Variants in KIAA0825 observed in about 807,000 individuals in gnomAD.
KIAA0825 encodes KIAA0825.
KIAA0825 carries 119 observed loss-of-function variants against 147.6 expected under a neutral mutation model. The ratio of observed to expected loss-of-function variants is 0.81; its 90% CI spans 0.69 to 0.94. The LOEUF (loss-of-function observed/expected upper bound fraction) is 0.94. KIAA0825 is among the 40% of genes least tolerant of loss of function. The probability of loss-of-function intolerance (pLI) is 0.00; values close to 1 mark genes in which losing one functional copy is unlikely to be tolerated. For synonymous variants in KIAA0825, 470 were observed against 518.1 expected, an observed-to-expected ratio of 0.91 and a Z score of 1.26; for missense variants, 1,381 against 1,472.7, an observed-to-expected ratio of 0.94 and a Z score of 1.02.
intron 20 of KIAA0825, among the ~76,000 whole-genome samples, chr5:94,376,530 A>G (rs1747598376): frequency 6.6e-6 from 1 of 152,234 alleles, no homozygotes; most frequent in East Asian, 1.9e-4. Context: ...TCATGTACCA[A>G]TTCCCTTAGC....
At chr5:94,235,685 A>G (rs917624390) in intron 20 of KIAA0825, among the ~76,000 whole-genome samples, 7 of 152,218 alleles carry the variant, frequency 4.6e-5, no homozygotes, top group Non-Finnish European at 1.0e-4. Flanking sequence ...GGTGAGGTCA[A>G]TGTCTTGCTC....
intron 13 of KIAA0825, among the ~76,000 whole-genome samples, chr5:94,441,634 C>T (rs1757098202): frequency 6.6e-6 from 1 of 152,146 alleles, no homozygotes; most frequent in South Asian, 2.1e-4. Context: ...CCTCTTTCTG[C>T]ATGAGGATAC....
intron 18 of KIAA0825, 110 bp from the exon 19 acceptor site, chr5:94,386,514 G>T: frequency 1.2e-6 from 1 of 840,156 alleles, no homozygotes; most frequent in Non-Finnish European, 1.8e-6. Flanking sequence ...CTAGATTACA[G>T]TGTATTACTT....
At chr5:94,347,893 T>C (rs535450498) in intron 20 of KIAA0825, among the ~76,000 whole-genome samples, 3 of 152,100 alleles carry the variant, frequency 2.0e-5, no homozygotes, top group Non-Finnish European at 4.4e-5. Flanking sequence ...ATCCAAAATA[T>C]GATACAAGAA....
chr5:94,372,965 A>G (rs530256007), intron 20 of KIAA0825, among the ~76,000 whole-genome samples: 127 of 152,306 alleles, frequency 8.3e-4, no homozygotes, highest in Non-Finnish European at 5.1e-4. Flanking sequence ...AGGGCAGGGG[A>G]AAAAGCTGCC....
At chr5:94,557,008 C>T in intron 2 of KIAA0825, among the ~76,000 whole-genome samples, 1 of 152,302 alleles carries the variant, frequency 6.6e-6, no homozygotes, top group African/African-American at 2.4e-5. Flanking sequence ...GCACGCCTTC[C>T]TAGTTTTCCA....
intron 20 of KIAA0825, among the ~76,000 whole-genome samples, chr5:94,249,954 A>G (rs1429260834): frequency 1.3e-5 from 2 of 152,114 alleles, no homozygotes; most frequent in East Asian, 3.9e-4. Context: ...GCAGATGTCC[A>G]GTAAATACGT....
At chr5:94,526,330 G>T (rs1769268121) in intron 3 of KIAA0825, among the ~76,000 whole-genome samples, 1 of 151,914 alleles carries the variant, frequency 6.6e-6, no homozygotes, top group African/African-American at 2.4e-5. Context: ...AGCACCCTCT[G>T]GCACAGTGGG....
intron 20 of KIAA0825, among the ~76,000 whole-genome samples, chr5:94,220,418 T>C (rs568507169): frequency 6.6e-6 from 1 of 152,270 alleles, no homozygotes; most frequent in East Asian, 1.9e-4. Context: ...GTGAAGGAAA[T>C]ATATAAACCA....
intron 2 of KIAA0825, chr5:94,567,962 C>G (rs996850759): frequency 5.1e-5 from 8 of 158,142 alleles, no homozygotes; most frequent in African/African-American, 1.7e-4. Flanking sequence ...AACTCTCACA[C>G]TATGCCTAGG....
intron 20 of KIAA0825, among the ~76,000 whole-genome samples, chr5:94,363,738 C>T (rs1231484269): frequency 2.0e-5 from 3 of 151,836 alleles, no homozygotes; most frequent in African/African-American, 2.4e-5. Flanking sequence ...CATGGTGGCT[C>T]GTGCCTGTAG....
chr5:94,202,736 C>T (rs1414998400), intron 20 of KIAA0825, among the ~76,000 whole-genome samples: 2 of 152,152 alleles, frequency 1.3e-5, no homozygotes, highest in Admixed American at 1.3e-4. Context: ...ATTATTTCAC[C>T]TGAAGCTCTG....
At chr5:94,512,462 T>A (rs969405242) in intron 5 of KIAA0825, among the ~76,000 whole-genome samples, 1 of 152,018 alleles carries the variant, frequency 6.6e-6, no homozygotes, top group Non-Finnish European at 1.5e-5. Context: ...ATTATTATTT[T>A]CATAAATTAA....
chr5:94,168,005 C>T (rs1191658961), intron 20 of KIAA0825, among the ~76,000 whole-genome samples: 1 of 149,770 alleles, frequency 6.7e-6, no homozygotes, highest in Non-Finnish European at 1.5e-5. Flanking sequence ...CTACTTAGAA[C>T]CCCCGAAACC....
intron 20 of KIAA0825, among the ~76,000 whole-genome samples, chr5:94,286,019 A>G (rs1484603273): frequency 2.0e-5 from 3 of 152,198 alleles, no homozygotes; most frequent in Non-Finnish European, 1.5e-5. Context: ...GATGAAAACT[A>G]TAATCAAATT....
intron 20 of KIAA0825, among the ~76,000 whole-genome samples, chr5:94,205,697 T>A (rs1280825544): frequency 6.6e-6 from 1 of 152,130 alleles, no homozygotes; most frequent in African/African-American, 2.4e-5. Context: ...GAGAATGTTG[T>A]CTTTATATTT....
intron 14 of KIAA0825, among the ~76,000 whole-genome samples, chr5:94,438,595 CCT>C (rs1756669700): frequency 6.6e-6 from 1 of 152,034 alleles, no homozygotes; most frequent in Non-Finnish European, 1.5e-5. Flanking sequence ...GTTGTGATGA[CCT>C]TTGGCACCAC....
chr5:94,537,241 A>T lies in KIAA0825; in HGVS notation c.-1-114T>A, dbSNP rs1772225189. On this transcript the variant is annotated intron_variant, in intron 2 of 20. Transcript: ENST00000682413. The stretch of plus-strand genomic sequence containing the variant: ...TACTAAACCAAAAATAGTAATTCCT[A>T]TTTACAGGCACAATGAAATATAGCA... 9.3e-6 allele frequency: 6 copies of T among 648,094 alleles called. No individual in the cohort carries two copies. The Admixed American group carries it at 1.8e-4, about 20-fold the overall frequency. 40.1% of individuals were successfully genotyped at this position (648,094 alleles called of 1,614,324 possible). A position where few individuals can be genotyped will look rare whatever the true frequency, so the allele number is the denominator to read the frequency against.
intron 20 of KIAA0825, among the ~76,000 whole-genome samples, chr5:94,383,720 T>G (rs1233296106): frequency 6.6e-6 from 1 of 152,098 alleles, no homozygotes; most frequent in East Asian, 1.9e-4. Context: ...CATACTTTTG[T>G]GCAAAATAAA....
Sources: gnomAD v4.1 joint callset for allele counts (sites outside exome capture counted in the v4.1 genomes callset) on GRCh38, gnomAD v4.1.1 for gene constraint, MANE v1.5 for transcripts, NCBI Gene and HGNC (gene_info 2026-07-23, HGNC 2026-07-21) for gene names.